CAST: variants seen among roughly 807,000 people sequenced by gnomAD.
The protein encoded by CAST is calpastatin.
Under a neutral mutation model 119.6 loss-of-function variants are expected in CAST, and 76 were observed. The observed-to-expected ratio is 0.64, with a 90% CI of 0.53 to 0.77. CAST has a LOEUF of 0.77. CAST is among the 30% of genes least tolerant of loss of function. The probability of loss-of-function intolerance (pLI) is 0.00; values close to 1 mark genes in which losing one functional copy is unlikely to be tolerated. For synonymous variants in CAST, 319 were observed against 331.6 expected (o/e 0.96, Z 0.41); for missense variants, 953 against 946.5 (o/e 1.01, Z -0.09).
At chr5:95,963,353 G>T in the CAST span, among the ~76,000 whole-genome samples, 107 of 152,272 alleles carry the variant, frequency 7.0e-4, no homozygotes, top group Non-Finnish European at 1.1e-3. Flanking sequence ...AACATAGTAG[G>T]TGTATAATGT....
chr5:96,108,420 G>C, the CAST span, among the ~76,000 whole-genome samples: 2 of 152,196 alleles, frequency 1.3e-5, no homozygotes, highest in African/African-American at 2.4e-5. Flanking sequence ...TGTCCTTTCT[G>C]TTTGTTAGTT....
chr5:96,167,004 G>A, the CAST span, among the ~76,000 whole-genome samples: 1 of 152,142 alleles, frequency 6.6e-6, no homozygotes, highest in Non-Finnish European at 1.5e-5. Flanking sequence ...GTGGTAAGGG[G>A]CGATATTGTG....
intron 1 of CAST, among the ~76,000 whole-genome samples, chr5:96,567,895 G>A (rs954223422): frequency 6.6e-6 from 1 of 152,186 alleles, no homozygotes; most frequent in African/African-American, 2.4e-5. Flanking sequence ...GCCCCCTCAT[G>A]ATTTTGGCCT....
At chr5:96,705,547 C>CTA (rs992940296) in intron 3 of CAST, among the ~76,000 whole-genome samples, 2 of 151,926 alleles carry the variant, frequency 1.3e-5, no homozygotes, top group African/African-American at 2.4e-5. Flanking sequence ...GACCCATGTG[C>CTA]TATAGTACTC....
chr5:96,463,867 T>C, the CAST span, among the ~76,000 whole-genome samples: 7 of 152,152 alleles, frequency 4.6e-5, no homozygotes. Flanking sequence ...CATTTTATCT[T>C]CATCTCTTAT....
the CAST span, among the ~76,000 whole-genome samples, chr5:96,227,561 C>G: frequency 6.2e-4 from 94 of 152,166 alleles, no homozygotes; most frequent in Non-Finnish European, 1.1e-3. Flanking sequence ...TGTAGAAATT[C>G]AGAATCCTGG....
chr5:96,573,947 A>G (rs1746618239), intron 1 of CAST, among the ~76,000 whole-genome samples: 1 of 150,496 alleles, frequency 6.6e-6, no homozygotes, highest in Non-Finnish European at 1.5e-5. Context: ...TCAGTATTTG[A>G]TTCATTTTTA....
At chr5:96,658,366 G>A (rs1052459838), upstream of CAST, among the ~76,000 whole-genome samples, 2 of 151,946 alleles carry the variant, frequency 1.3e-5, no homozygotes, top group Non-Finnish European at 2.9e-5. Flanking sequence ...AATGGAAAAA[G>A]CACCCATTAT....
chr5:96,103,914 C>G, the CAST span, among the ~76,000 whole-genome samples: 23 of 151,862 alleles, frequency 1.5e-4, no homozygotes, highest in East Asian at 5.8e-4. Flanking sequence ...GAGATGGTAT[C>G]TCATTGTGGT....
rs1022164639 is a variant in CAST at position 96,719,333 on chromosome 5, A to T, written c.211-3306A>T. ...GTGCCACCACACTCAGCTAATTTTT[A>T]AATTTTTTGTAGAGACAAGGTCTCA... On this transcript the variant is annotated intron_variant, in intron 3 of 31. Transcript: ENST00000675179. Among the ~76,000 whole-genome samples the T allele has an allele frequency of 5.3e-5, 8 of 152,218 alleles. 1 individual carries two copies. The South Asian group carries it at 1.7e-3, about 32-fold the overall frequency.
chr5:96,390,027 T>C, the CAST span, among the ~76,000 whole-genome samples: 1 of 152,240 alleles, frequency 6.6e-6, no homozygotes, highest in African/African-American at 2.4e-5. Flanking sequence ...GCCTGTAAAC[T>C]AAGTCCTATT....
chr5:96,524,735 A>T (rs1367358367), upstream of CAST, among the ~76,000 whole-genome samples: 1 of 152,222 alleles, frequency 6.6e-6, no homozygotes, highest in Admixed American at 6.5e-5. Context: ...AGGGAAGTAG[A>T]GGTGGCCCCC....
the CAST span, among the ~76,000 whole-genome samples, chr5:96,331,943 T>C: frequency 5.3e-3 from 801 of 152,358 alleles, 8 homozygotes; most frequent in African/African-American, 0.017. Context: ...ACAGTCAACA[T>C]GTCATTGGCA....
chr5:96,564,724 G>T (rs1487387396), intron 1 of CAST, among the ~76,000 whole-genome samples: 1 of 152,188 alleles, frequency 6.6e-6, no homozygotes, highest in Non-Finnish European at 1.5e-5. Context: ...TTCCAGACCA[G>T]CCTGGGCAAC....
the CAST span, among the ~76,000 whole-genome samples, chr5:96,440,649 C>CAG: frequency 6.6e-6 from 1 of 151,972 alleles, no homozygotes; most frequent in Non-Finnish European, 1.5e-5. Context: ...ACTCTCCAGT[C>CAG]AGAATTACTC....
At chr5:96,475,537 A>G in the CAST span, among the ~76,000 whole-genome samples, 2 of 152,212 alleles carry the variant, frequency 1.3e-5, no homozygotes, top group East Asian at 3.9e-4. Context: ...ACAAGGACAG[A>G]AAATTGCAAA....
At chr5:96,245,698 C>T in the CAST span, among the ~76,000 whole-genome samples, 1 of 151,344 alleles carries the variant, frequency 6.6e-6, no homozygotes, top group Non-Finnish European at 1.5e-5. Context: ...GGCTTTGGTT[C>T]TACACATGCA....
chr5:96,298,875 G>GGA, the CAST span, among the ~76,000 whole-genome samples: 1 of 42,850 alleles, frequency 2.3e-5, no homozygotes, highest in African/African-American at 7.7e-5. Flanking sequence ...CCCTAAATTA[G>GGA]GAGAGTGTGT....
the CAST span, chr5:96,079,266 G>C: frequency 2.8e-6 from 1 of 355,626 alleles, no homozygotes; most frequent in Non-Finnish European, 5.7e-6. Flanking sequence ...TTTGTCCTGA[G>C]CTCCCACTTA....
Sources: gnomAD v4.1 joint callset for allele counts (sites outside exome capture counted in the v4.1 genomes callset) on GRCh38, gnomAD v4.1.1 for gene constraint, MANE v1.5 for transcripts, NCBI Gene and HGNC (gene_info 2026-07-23, HGNC 2026-07-21) for gene names.